Variants in PCDH15 observed in about 807,000 individuals in gnomAD.
PCDH15 encodes protocadherin related 15.
In PCDH15, 129 loss-of-function variants were observed where a neutral mutation model predicts 178.5. The observed-to-expected ratio is 0.72, with a 90% CI of 0.63 to 0.84. PCDH15 has a LOEUF of 0.84. Among genes scored for constraint, PCDH15 ranks in the 40% least tolerant of loss-of-function variants. The pLI, the probability that PCDH15 is intolerant of heterozygous loss-of-function variation, is 0.00. For synonymous variants in PCDH15, 800 were observed against 732.0 expected, an observed-to-expected ratio of 1.09 and a Z score of -1.50; for missense variants, 2,230 against 2,099.9, an observed-to-expected ratio of 1.06 and a Z score of -1.21.
chr10:54,642,428 A>ACTT (rs1335796057), intron 2 of PCDH15, among the ~76,000 whole-genome samples: 1 of 152,206 alleles, frequency 6.6e-6, no homozygotes, highest in Admixed American at 6.5e-5. Flanking sequence ...CACCTCGCTT[A>ACTT]CTTCTGGTCA....
intron 1 of PCDH15, among the ~76,000 whole-genome samples, chr10:55,273,998 G>GTGTGTATGTACACATGTATA (rs1564956753): frequency 6.6e-6 from 1 of 152,044 alleles, no homozygotes; most frequent in East Asian, 1.9e-4. Context: ...ACACATGTAT[G>GTGTGTATGTACACATGTATA]TATGTATGTG....
At chr10:55,133,540 G>A (rs1298063085) in intron 2 of PCDH15, among the ~76,000 whole-genome samples, 2 of 152,032 alleles carry the variant, frequency 1.3e-5, no homozygotes, top group Non-Finnish European at 2.9e-5. Flanking sequence ...TGTGGCTGAT[G>A]AACCTCTATT....
At chr10:55,301,803 A>C (rs1390108246) in intron 1 of PCDH15, among the ~76,000 whole-genome samples, 2 of 152,100 alleles carry the variant, frequency 1.3e-5, no homozygotes, top group African/African-American at 4.8e-5. Flanking sequence ...ATTTTATTAT[A>C]TATGGATGTT....
intron 1 of PCDH15, among the ~76,000 whole-genome samples, chr10:54,720,835 T>A (rs1941482262): frequency 6.6e-6 from 1 of 152,038 alleles, no homozygotes; most frequent in Non-Finnish European, 1.5e-5. Flanking sequence ...GACTGATCAC[T>A]GAAGCAGAAA....
At chr10:54,495,950 T>A (rs965126103) in intron 3 of PCDH15, among the ~76,000 whole-genome samples, 3 of 152,170 alleles carry the variant, frequency 2.0e-5, no homozygotes, top group Non-Finnish European at 4.4e-5. Context: ...TCAGAAATCT[T>A]AAGAATAGGA....
At chr10:54,954,213 T>C (rs1223977824) in intron 2 of PCDH15, among the ~76,000 whole-genome samples, 1 of 151,328 alleles carries the variant, frequency 6.6e-6, no homozygotes, top group Non-Finnish European at 1.5e-5. Context: ...TAATCTCTTG[T>C]CTCCTAAATT....
At chr10:55,556,683 A>G (rs1291307294) in intron 2 of PCDH15, among the ~76,000 whole-genome samples, 2 of 152,050 alleles carry the variant, frequency 1.3e-5, no homozygotes, top group South Asian at 2.1e-4. Context: ...AAAAAAAGGT[A>G]CAAAAATTAT....
chr10:55,544,137 TA>T (rs1160920918), intron 2 of PCDH15, among the ~76,000 whole-genome samples: 4 of 51,736 alleles, frequency 7.7e-5, no homozygotes, highest in African/African-American at 2.4e-4. Flanking sequence ...ATCTTATACA[TA>T]CATATATATA....
intron 2 of PCDH15, among the ~76,000 whole-genome samples, chr10:55,128,231 C>A (rs1837953152): frequency 1.3e-5 from 2 of 152,066 alleles, no homozygotes; most frequent in Admixed American, 1.3e-4. Flanking sequence ...TTACTACCAT[C>A]CTTTTTTTTC....
chr10:54,462,822 G>A (rs951355950), intron 3 of PCDH15, among the ~76,000 whole-genome samples: 13 of 148,962 alleles, frequency 8.7e-5, no homozygotes, highest in African/African-American at 2.2e-4. Context: ...GAGCCACCTC[G>A]CCTGGACTAT....
chr10:54,684,144 TA>T (rs1385802596), intron 1 of PCDH15, among the ~76,000 whole-genome samples: 1 of 152,000 alleles, frequency 6.6e-6, no homozygotes, highest in African/African-American at 2.4e-5. Flanking sequence ...ATTATATATT[TA>T]AAAATTGTCC....
chr10:54,463,080 G>T (rs1048223288), intron 3 of PCDH15, among the ~76,000 whole-genome samples: 1 of 152,028 alleles, frequency 6.6e-6, no homozygotes, highest in Non-Finnish European at 1.5e-5. Flanking sequence ...GTTCATATCA[G>T]TACTCAATGA....
intron 8 of PCDH15, among the ~76,000 whole-genome samples, chr10:54,315,389 A>G (rs960330012): frequency 9.3e-5 from 14 of 149,740 alleles, no homozygotes; most frequent in African/African-American, 1.7e-4. Context: ...TTTTTATTTA[A>G]TTCTTGTAAT....
intron 3 of PCDH15, among the ~76,000 whole-genome samples, chr10:54,879,891 A>G (rs1954228971): frequency 6.6e-6 from 1 of 152,050 alleles, no homozygotes; most frequent in African/African-American, 2.4e-5. Context: ...TGTGATCATC[A>G]TGATTCCTTA....
intron 2 of PCDH15, among the ~76,000 whole-genome samples, chr10:55,491,722 A>T (rs2132128707): frequency 6.6e-6 from 1 of 151,334 alleles, no homozygotes; most frequent in African/African-American, 2.4e-5. Flanking sequence ...TGTTCTAAAT[A>T]GAAGAATTTG....
chr10:55,248,966 AG>A (rs1270196754), intron 1 of PCDH15, among the ~76,000 whole-genome samples: 1 of 152,184 alleles, frequency 6.6e-6, no homozygotes, highest in East Asian at 1.9e-4. Context: ...GATGAGGGAG[AG>A]TCTAGTACAG....
rs375675036 is a variant in PCDH15, at chr10:54,779,464, GTA to G, written c.-29+21459_-29+21460del. ...TATATATATACACTCATATATGTGT[GTA>G]TATATATACACACATATATATGTAT... On this transcript the variant is annotated intron_variant, in intron 1 of 37. Coordinates refer to ENST00000644397, the MANE Select transcript of PCDH15 (RefSeq NM_001384140.1). 1.9e-4 allele frequency among the ~76,000 whole-genome samples: 18 copies of G among 94,632 alleles called. 1 individual carries two copies. The highest frequency in any genetic ancestry group is 7.2e-4 in the South Asian group (2 of 2,772). 62.1% of individuals were successfully genotyped at this position (94,632 alleles called of 152,430 possible). A position where few individuals can be genotyped will look rare whatever the true frequency, so the allele number is the denominator to read the frequency against.
At chr10:54,123,411 T>C (rs75616231) in intron 15 of PCDH15, among the ~76,000 whole-genome samples, 2,931 of 152,000 alleles carry the variant, frequency 0.019, 77 homozygotes, top group African/African-American at 0.062. Context: ...CCAAGAAATA[T>C]ATGAAAAAAA....
At chr10:55,173,089 A>T (rs1839382795) in intron 1 of PCDH15, among the ~76,000 whole-genome samples, 1 of 151,878 alleles carries the variant, frequency 6.6e-6, no homozygotes, top group Admixed American at 6.6e-5. Flanking sequence ...AATGCTGGGG[A>T]CATGTATCAA....
Sources: allele counts gnomAD v4.1 joint callset (sites outside exome capture counted in the v4.1 genomes callset), GRCh38; gene constraint gnomAD v4.1.1; transcripts MANE v1.5; gene names NCBI Gene and HGNC (gene_info 2026-07-23, HGNC 2026-07-21).